Variants in OR2V2 observed in about 807,000 individuals in gnomAD.
OR2V2 encodes the protein olfactory receptor family 2 subfamily V member 2.
For synonymous variants in OR2V2, 161 were observed against 151.3 expected (o/e 1.06, Z -0.47); for missense variants, 392 against 392.2 (o/e 1.00, Z 0.00).
chr5:181,150,947 C>T (rs974687175), intron 1 of OR2V2, among the ~76,000 whole-genome samples: 4 of 152,140 alleles, frequency 2.6e-5, no homozygotes, highest in Non-Finnish European at 5.9e-5. Context: ...CCACCGCACC[C>T]CACCCTGGAC....
rs1484544021 is a variant in OR2V2 at position 181,156,094 on chromosome 5, CT to C, written c.*207del. 4 of 471,760 alleles carry C rather than the reference CT, an allele frequency of 8.5e-6. No individual in the cohort carries two copies. Among genetic ancestry groups the C allele is most frequent in the Non-Finnish European group, 1.4e-5 (4 of 279,410 alleles). 29.2% of individuals were successfully genotyped at this position (471,760 alleles called of 1,614,324 possible). A position where few individuals can be genotyped will look rare whatever the true frequency, so the allele number is the denominator to read the frequency against. On this transcript the variant is annotated 3_prime_UTR_variant, in exon 2 of 2. Transcript: ENST00000641492. ...TCTTTTGTTCTTTCTTTCGTTCTTT[CT>C]TTCTCTTCCTCTTTCTCTTTCTTTC...
Position 181,158,670 on chromosome 5 carries a change from A to G in OR2V2, c.*2780A>G, listed in dbSNP as rs1763297359. The G allele has an allele frequency of 6.6e-6, 1 of 152,218 alleles. No individual in the cohort carries two copies. The highest frequency in any genetic ancestry group is 2.4e-5 in the African/African-American group (1 of 41,460). 9.4% of individuals were successfully genotyped at this position (152,218 alleles called of 1,614,324 possible). A position where few individuals can be genotyped will look rare whatever the true frequency, so the allele number is the denominator to read the frequency against. On this transcript the variant is annotated 3_prime_UTR_variant, in exon 2 of 2. Transcript: ENST00000641492. ...AAATAAATAAACAAAAAATAAAAAG[A>G]AAACATGTGAAAGCACAGGAGAGTA... is the stretch of plus-strand genomic sequence containing the variant.
Position 181,156,092 on chromosome 5 carries a change from TTCTTTCTCTTCC to T in OR2V2, c.*213_*224del, listed in dbSNP as rs1279986061. The T allele has an allele frequency of 7.4e-4, 400 of 539,494 alleles. 3 individuals are homozygous for T. The highest frequency in any genetic ancestry group is 6.8e-3 in the African/African-American group (355 of 52,196). 33.4% of individuals were successfully genotyped at this position (539,494 alleles called of 1,614,324 possible). On this transcript the variant is annotated 3_prime_UTR_variant, in exon 2 of 2. Coordinates refer to ENST00000641492, the MANE Select transcript of OR2V2 (RefSeq NM_206880.2). ...TTTCTTTTGTTCTTTCTTTCGTTCT[TTCTTTCTCTTCC>T]TCTTTCTCTTTCTTTCTTTTTCTTT...
intron 1 of OR2V2, among the ~76,000 whole-genome samples, chr5:181,152,723 T>A (rs1433451662): frequency 6.6e-6 from 1 of 152,222 alleles, no homozygotes; most frequent in African/African-American, 2.4e-5. Flanking sequence ...CACTCCTCTC[T>A]AGGGCGATTT....
chr5:181,156,388 G>A lies in OR2V2; in HGVS notation c.*498G>A, dbSNP rs59149054. ...CTTCCAGAGTGCTGAGATTACAGGC[G>A]TGAGCCACCACGCACAGCCAACATC... On this transcript the variant is annotated 3_prime_UTR_variant, in exon 2 of 2. Transcript: ENST00000641492. 0.14 allele frequency: 21,333 copies of A among 154,538 alleles called. 2,637 individuals carry two copies. Among genetic ancestry groups the A allele is most frequent in the African/African-American group, 0.34 (13,943 of 41,472 alleles). 9.6% of individuals were successfully genotyped at this position (154,538 alleles called of 1,614,324 possible).
chr5:181,148,865 A>G (rs1185371315), intron 1 of OR2V2, among the ~76,000 whole-genome samples: 2 of 152,134 alleles, frequency 1.3e-5, no homozygotes, highest in African/African-American at 4.8e-5. Context: ...GTCTGGGAAG[A>G]GCCTTCTGCA....
At chr5:181,150,870 G>A (rs1025482717) in intron 1 of OR2V2, among the ~76,000 whole-genome samples, 3 of 152,124 alleles carry the variant, frequency 2.0e-5, no homozygotes, top group Non-Finnish European at 4.4e-5. Context: ...CCAGCTACTC[G>A]GGCAGCTGAG....
rs541378135 is a variant in OR2V2, at chr5:181,154,361, G to A, written c.-24-558G>A. 9.2e-4 allele frequency among the ~76,000 whole-genome samples: 140 copies of A among 152,202 alleles called. 1 individual carries two copies. Among genetic ancestry groups the A allele is most frequent in the Admixed American group, 1.4e-3 (21 of 15,290 alleles). The stretch of plus-strand genomic sequence containing the variant: ...TCCCAGCACTTTGGGAGGCCGAGGC[G>A]GGTGGATCACAAGGTCAGGAGATCG... On this transcript the variant is annotated intron_variant, in intron 1 of 1. Transcript: ENST00000641492.
chr5:181,155,172 C>A lies in OR2V2; in HGVS notation c.230C>A (p.Thr77Asn), dbSNP rs776515411. Residue 77 changes from threonine to asparagine, a missense_variant, in exon 2 of 2, where the codon ACC becomes AAC. Physicochemically the swap from Thr to Asn is moderately conservative, Grantham distance 65 (BLOSUM62 0). Coordinates refer to ENST00000641492, the MANE Select transcript of OR2V2 (RefSeq NM_206880.2). ...LSLMDLMLVC[T>N]NVPKMAANFL... ...CTCATGGACCTCATGTTGGTCTGTA[C>A]CAATGTGCCAAAGATGGCAGCCAAC... 5.3e-5 allele frequency: 85 copies of A among 1,613,834 alleles called. 1 individual carries two copies. In the African/African-American group the frequency reaches 5.6e-4, roughly 11 times the overall value.
intron 1 of OR2V2, among the ~76,000 whole-genome samples, chr5:181,149,065 C>G (rs1220836054): frequency 1.3e-5 from 2 of 152,180 alleles, no homozygotes; most frequent in Non-Finnish European, 2.9e-5. Context: ...AGTTGTTTGG[C>G]TTTATTTTTG....
At position 181,156,206 on chromosome 5, in the gene OR2V2, A is replaced by G; in HGVS notation, c.*316A>G. ...ATAGCAGCCTTGATCTCCTGGGCTC[A>G]GGTGAGTCTCCAACTCAGCCTCCTG... On this transcript the variant is annotated 3_prime_UTR_variant, in exon 2 of 2. Coordinates refer to ENST00000641492, the MANE Select transcript of OR2V2 (RefSeq NM_206880.2). 3.7e-6 allele frequency: 1 copy of G among 266,718 alleles called. No homozygotes were observed. The highest frequency in any genetic ancestry group is 7.0e-6 in the Non-Finnish European group (1 of 142,222). The allele number at this position is 266,718 out of a possible 1,614,324, so 16.5% of individuals were successfully genotyped here.
At chr5:181,154,031 C>A (rs575603306) in intron 1 of OR2V2, among the ~76,000 whole-genome samples, 1 of 152,278 alleles carries the variant, frequency 6.6e-6, no homozygotes, top group South Asian at 2.1e-4. Context: ...CTGTCACTCG[C>A]GGTATGACTG....
chr5:181,147,622 G>C lies in OR2V2; in HGVS notation c.-398G>C, dbSNP rs2770963. 0.3 allele frequency: 62,129 copies of C among 204,102 alleles called. 16,165 individuals are homozygous for C. The highest frequency in any genetic ancestry group is 0.78 in the African/African-American group (31,697 of 40,542). The allele number at this position is 204,102 out of a possible 1,614,324, so 12.6% of individuals were successfully genotyped here. On this transcript the variant is annotated 5_prime_UTR_variant, in exon 1 of 2. Coordinates refer to ENST00000641492, the MANE Select transcript of OR2V2 (RefSeq NM_206880.2). Reference sequence around the variant, plus strand: ...ATGTGGGCAGTGGGAGGCGGTTCTGGAACCTGGCCAGAGCCAGGGTGTCCT... The same window carrying C: ...ATGTGGGCAGTGGGAGGCGGTTCTGCAACCTGGCCAGAGCCAGGGTGTCCT...
chr5:181,156,357 A>G lies in OR2V2; in HGVS notation c.*467A>G, dbSNP rs1763267658. Reference sequence around the variant, plus strand: ...GGTCTCGAACTCCTGGACTCAAGCAATCCACCTTCCAGAGTGCTGAGATTA... The same window carrying G: ...GGTCTCGAACTCCTGGACTCAAGCAGTCCACCTTCCAGAGTGCTGAGATTA... On this transcript the variant is annotated 3_prime_UTR_variant, in exon 2 of 2. Transcript: ENST00000641492. The G allele has an allele frequency of 6.4e-6, 1 of 156,168 alleles. No homozygotes were observed. The highest frequency in any genetic ancestry group is 6.3e-5 in the Admixed American group (1 of 15,886). 9.7% of individuals were successfully genotyped at this position (156,168 alleles called of 1,614,324 possible).
intron 1 of OR2V2, among the ~76,000 whole-genome samples, chr5:181,148,392 T>C (rs1763152250): frequency 6.6e-6 from 1 of 151,726 alleles, no homozygotes; most frequent in South Asian, 2.1e-4. Context: ...TGGGACGGGG[T>C]CCTCTCATCC....
At chr5:181,152,191 A>G (rs1763199236) in intron 1 of OR2V2, among the ~76,000 whole-genome samples, 1 of 152,066 alleles carries the variant, frequency 6.6e-6, no homozygotes, top group Non-Finnish European at 1.5e-5. Context: ...CCCCCTTACA[A>G]AGGAGGAAAC....
Position 181,147,967 on chromosome 5 carries a change from T to G in OR2V2, c.-53T>G. On this transcript the variant is annotated 5_prime_UTR_variant, in exon 1 of 2. Transcript: ENST00000641492. Reference sequence around the variant, plus strand: ...CTCCTCCACAGGTGACTCTGCTGAGTTTGTTCCCCTGCAGGGACCCACCCA... The same window carrying G: ...CTCCTCCACAGGTGACTCTGCTGAGGTTGTTCCCCTGCAGGGACCCACCCA... The G allele has an allele frequency of 5.0e-6, 2 of 398,104 alleles. No homozygotes were observed. Among genetic ancestry groups the G allele is most frequent in the Non-Finnish European group, 8.8e-6 (2 of 226,020 alleles). The allele number at this position is 398,104 out of a possible 1,614,324, so 24.7% of individuals were successfully genotyped here.
rs1763258513 is a variant in OR2V2 at position 181,155,884 on chromosome 5, G to A, written c.942G>A (p.Gln314=). The A allele has an allele frequency of 6.2e-7, 1 of 1,610,414 alleles. No homozygotes were observed. The highest frequency in any genetic ancestry group is 1.3e-5 in the African/African-American group (1 of 74,870). ...KGLDRCRIGS[Q]H is the part of the protein sequence containing the mutation. ...TGGACCGCTGCAGGATCGGCAGCCA[G>A]CACTGAACCCAGGGCATCCAGTGCC... The change falls in exon 2 of 2, where the codon CAG becomes CAA. Residue 314 remains glutamine (Q), a synonymous_variant. Transcript: ENST00000641492.
chr5:181,153,589 G>A (rs1284607873), intron 1 of OR2V2, among the ~76,000 whole-genome samples: 1 of 152,134 alleles, frequency 6.6e-6, no homozygotes, highest in African/African-American at 2.4e-5. Context: ...GAGGTGACAG[G>A]ATGGCTTGAT....
Sources: allele counts gnomAD v4.1 joint callset (sites outside exome capture counted in the v4.1 genomes callset), GRCh38; gene constraint gnomAD v4.1.1; transcripts MANE v1.5; gene names NCBI Gene and HGNC (gene_info 2026-07-23, HGNC 2026-07-21).